PDE1A: variants seen among roughly 807,000 people sequenced by gnomAD.
PDE1A encodes dual specificity calcium/calmodulin-dependent 3',5'-cyclic nucleotide phosphodiesterase 1A.
PDE1A carries 35 observed loss-of-function variants against 61.7 expected under a neutral mutation model. The ratio of observed to expected loss-of-function variants is 0.57; its 90% CI spans 0.43 to 0.75. The LOEUF (loss-of-function observed/expected upper bound fraction) is 0.75. Among genes scored for constraint, PDE1A ranks in the 30% least tolerant of loss-of-function variants. The pLI, the probability that PDE1A is intolerant of heterozygous loss-of-function variation, is 0.00. For missense variants in PDE1A, 597 were observed against 630.6 expected (o/e 0.95, Z 0.57); for synonymous variants, 232 against 213.2 (o/e 1.09, Z -0.77).
chr2:182,514,210 C>T (rs1384299120), intron 2 of PDE1A, among the ~76,000 whole-genome samples: 1 of 152,196 alleles, frequency 6.6e-6, no homozygotes, highest in African/African-American at 2.4e-5. Context: ...ACATTCCATG[C>T]TCATGGGTAG....
At chr2:182,570,713 T>C in the PDE1A span, among the ~76,000 whole-genome samples, 2 of 152,208 alleles carry the variant, frequency 1.3e-5, no homozygotes, top group Non-Finnish European at 2.9e-5. Flanking sequence ...CCTAAAATAA[T>C]TGGAGCAATA....
At chr2:182,703,838 G>T in the PDE1A span, among the ~76,000 whole-genome samples, 4 of 152,164 alleles carry the variant, frequency 2.6e-5, no homozygotes, top group East Asian at 3.9e-4. Context: ...CATAAATAAG[G>T]TTCCAGCTCT....
chr2:182,557,779 G>C, the PDE1A span, among the ~76,000 whole-genome samples: 13 of 152,038 alleles, frequency 8.6e-5, no homozygotes, highest in African/African-American at 3.1e-4. Context: ...TCCATGCACA[G>C]AAGAATATTA....
At chr2:182,198,093 A>C (rs1001152417) in intron 10 of PDE1A, among the ~76,000 whole-genome samples, 13 of 151,906 alleles carry the variant, frequency 8.6e-5, no homozygotes, top group Non-Finnish European at 4.4e-5. Flanking sequence ...TGTGGTTTGC[A>C]GTGTGGAGGT....
At chr2:182,545,629 A>G in the PDE1A span, among the ~76,000 whole-genome samples, 1 of 152,160 alleles carries the variant, frequency 6.6e-6, no homozygotes, top group Non-Finnish European at 1.5e-5. Context: ...GGTTCATAAC[A>G]TTGCTTTATG....
intron 6 of PDE1A, among the ~76,000 whole-genome samples, chr2:182,226,777 T>A (rs1006805552): frequency 6.7e-6 from 1 of 149,754 alleles, no homozygotes; most frequent in Non-Finnish European, 1.5e-5. Context: ...CTGTATTTCA[T>A]CAGAATTTTA....
At chr2:182,621,879 C>T in the PDE1A span, among the ~76,000 whole-genome samples, 1 of 152,106 alleles carries the variant, frequency 6.6e-6, no homozygotes, top group East Asian at 1.9e-4. Flanking sequence ...ACAGTTCATG[C>T]ATATTCCTTT....
In PDE1A at chr2:182,406,553, A is replaced by C. The variant is rs547316325; in HGVS notation, c.53+20025T>G. On this transcript the variant is annotated intron_variant, in intron 1 of 13. Transcript: ENST00000351439. ...AAGAAGCTATTTCCCACAATCATCC[A>C]AGAAGATTTACAGAAATAACCCTTA... Among the ~76,000 whole-genome samples the C allele has an allele frequency of 2.0e-5, 3 of 152,298 alleles. No individual in the cohort carries two copies. In the East Asian group the frequency reaches 5.8e-4, roughly 29 times the overall value.
intron 1 of PDE1A, among the ~76,000 whole-genome samples, chr2:182,424,336 C>A (rs1342382350): frequency 6.6e-6 from 1 of 152,146 alleles, no homozygotes; most frequent in Non-Finnish European, 1.5e-5. Flanking sequence ...TTATAACTGG[C>A]CCCACTAGCA....
intron 2 of PDE1A, among the ~76,000 whole-genome samples, chr2:182,513,094 A>G (rs1187731632): frequency 1.3e-5 from 2 of 152,194 alleles, no homozygotes; most frequent in Non-Finnish European, 2.9e-5. Flanking sequence ...TCAGGAAATC[A>G]GAAAACCCCT....
intron 1 of PDE1A, among the ~76,000 whole-genome samples, chr2:182,400,017 T>A (rs1701912612): frequency 6.6e-6 from 1 of 151,800 alleles, no homozygotes; most frequent in South Asian, 2.1e-4. Flanking sequence ...TAGTAAAAAT[T>A]CACACTCTTT....
At chr2:182,198,732 T>TA (rs954932783) in intron 10 of PDE1A, among the ~76,000 whole-genome samples, 8 of 151,490 alleles carry the variant, frequency 5.3e-5, no homozygotes, top group Non-Finnish European at 7.4e-5. Context: ...TTTTAAAAAT[T>TA]AAAAAAAAAT....
chr2:182,345,183 A>T (rs535585540), intron 1 of PDE1A, among the ~76,000 whole-genome samples: 5 of 152,238 alleles, frequency 3.3e-5, no homozygotes, highest in African/African-American at 1.2e-4. Flanking sequence ...CACCATCTCC[A>T]CTTAGATAAT....
chr2:182,221,405 T>C (rs527290955), intron 7 of PDE1A, among the ~76,000 whole-genome samples: 134 of 152,196 alleles, frequency 8.8e-4, no homozygotes, highest in African/African-American at 3.1e-3. Flanking sequence ...GTGGATCCAG[T>C]GGATGTAGAG....
intron 1 of PDE1A, among the ~76,000 whole-genome samples, chr2:182,351,787 G>A (rs960483639): frequency 2.0e-5 from 3 of 152,052 alleles, no homozygotes; most frequent in African/African-American, 7.2e-5. Flanking sequence ...AGCCATAAAA[G>A]GTTATTTTTT....
At chr2:182,251,957 G>T (rs1168220881) in intron 2 of PDE1A, among the ~76,000 whole-genome samples, 1 of 152,186 alleles carries the variant, frequency 6.6e-6, no homozygotes, top group African/African-American at 2.4e-5. Context: ...GAAGACAAGA[G>T]TGTAAGGGGA....
intron 2 of PDE1A, among the ~76,000 whole-genome samples, chr2:182,432,138 T>A (rs1020735621): frequency 1.3e-5 from 2 of 152,170 alleles, no homozygotes; most frequent in African/African-American, 4.8e-5. Flanking sequence ...TATGTCAGTT[T>A]CCTCACTAAT....
intron 2 of PDE1A, among the ~76,000 whole-genome samples, chr2:182,503,012 T>TAGGAG (rs1300819998): frequency 6.6e-6 from 1 of 151,232 alleles, no homozygotes; most frequent in East Asian, 1.9e-4. Flanking sequence ...TCTTTCTCTC[T>TAGGAG]CTCTCTCTCC....
intron 6 of PDE1A, among the ~76,000 whole-genome samples, chr2:182,224,211 T>C (rs1688958930): frequency 6.6e-6 from 1 of 151,724 alleles, no homozygotes; most frequent in South Asian, 2.1e-4. Context: ...GAAAAAGGAG[T>C]AGTTTTCTAT....
Sources: gnomAD v4.1 joint callset for allele counts (sites outside exome capture counted in the v4.1 genomes callset) on GRCh38, gnomAD v4.1.1 for gene constraint, MANE v1.5 for transcripts, NCBI Gene and HGNC (gene_info 2026-07-23, HGNC 2026-07-21) for gene names.